ZNF462: variants seen among roughly 807,000 people sequenced by gnomAD.
ZNF462 encodes zinc finger PBX1-interacting protein.
In ZNF462, 10 loss-of-function variants were observed where a neutral mutation model predicts 201.9. The ratio of observed to expected loss-of-function variants is 0.05; its 90% CI spans 0.03 to 0.08. ZNF462 has a LOEUF of 0.08. ZNF462 is among the 10% of genes least tolerant of loss of function. ZNF462 has a pLI of 1.00. For synonymous variants in ZNF462, 1,227 were observed against 1,193.3 expected (o/e 1.03, Z -0.58); for missense variants, 2,523 against 3,168.3 (o/e 0.80, Z 4.89).
Position 106,932,567 on chromosome 9 carries a change from G to C in ZNF462, c.6116+18G>C. 6.2e-7 allele frequency: 1 copy of C among 1,614,172 alleles called. No individual in the cohort carries two copies. Among genetic ancestry groups the C allele is most frequent in the Non-Finnish European group, 8.5e-7 (1 of 1,180,028 alleles). On this transcript the variant is annotated intron_variant, in intron 5 of 12. Coordinates refer to ENST00000277225, the MANE Select transcript of ZNF462 (RefSeq NM_021224.6). This position sits in a 1 kb window ranked among gnomAD's most constrained non-coding sequence, Gnocchi z 6.8. The stretch of plus-strand genomic sequence containing the variant: ...AGGCACAAGTAAGTGCTATTGGGGG[G>C]TCACTAGTGGTTACTGGGAGATGAT...
intron 10 of ZNF462, among the ~76,000 whole-genome samples, chr9:106,987,030 TAG>T (rs1564154252): frequency 6.7e-6 from 1 of 149,692 alleles, no homozygotes; most frequent in African/African-American, 2.4e-5. Context: ...GATAGATAGA[TAG>T]ATAGATATCA....
chr9:107,009,511 G>T lies in ZNF462; in HGVS notation c.7190-34G>T. On this transcript the variant is annotated intron_variant, in intron 11 of 12. Coordinates refer to ENST00000277225, the MANE Select transcript of ZNF462 (RefSeq NM_021224.6). The surrounding 1 kb of genome is among the most constrained non-coding windows in gnomAD (Gnocchi z 6.1). ...CTTACCTATTCTGCTGATTCCCACA[G>T]CACACAGGTAACACTTCTGCTTTCT... The T allele has an allele frequency of 1.2e-6, 2 of 1,613,006 alleles. No homozygotes were observed. The highest frequency in any genetic ancestry group is 1.7e-6 in the Non-Finnish European group (2 of 1,179,334).
chr9:106,866,692 A>G (rs1467322262), intron 1 of ZNF462, among the ~76,000 whole-genome samples: 3 of 152,204 alleles, frequency 2.0e-5, no homozygotes, highest in Non-Finnish European at 4.4e-5. Flanking sequence ...TGATACCATT[A>G]CTTTTGCTCT....
chr9:106,932,120 G>T lies in ZNF462; in HGVS notation c.6013-326G>T. The T allele has an allele frequency of 1.6e-6, 2 of 1,289,900 alleles. No homozygotes were observed. Among genetic ancestry groups the T allele is most frequent in the African/African-American group, 3.0e-5 (2 of 67,284 alleles). The allele number at this position is 1,289,900 out of a possible 1,614,324, so 79.9% of individuals were successfully genotyped here. ...AGTTGGGCTTGCTCTCCCTCTAGGGGTAGCTGGAGAGGCAGGGGAGGAAGC... is the reference window on the plus strand; with the variant it reads ...AGTTGGGCTTGCTCTCCCTCTAGGGTTAGCTGGAGAGGCAGGGGAGGAAGC... On this transcript the variant is annotated intron_variant, in intron 4 of 12. Coordinates refer to ENST00000277225, the MANE Select transcript of ZNF462 (RefSeq NM_021224.6). This position sits in a 1 kb window ranked among gnomAD's most constrained non-coding sequence, Gnocchi z 6.8.
At position 107,011,085 on chromosome 9, in the gene ZNF462, AG is replaced by A. The variant is rs1829905419; in HGVS notation, c.*58del. The A allele has an allele frequency of 5.1e-6, 8 of 1,581,066 alleles. No individual in the cohort carries two copies. The South Asian group carries it at 5.6e-5, about 11-fold the overall frequency. On this transcript the variant is annotated 3_prime_UTR_variant, in exon 13 of 13. Coordinates refer to ENST00000277225, the MANE Select transcript of ZNF462 (RefSeq NM_021224.6). The surrounding 1 kb of genome is among the most constrained non-coding windows in gnomAD (Gnocchi z 5.6). ...ACTTGAACAGTGATGAAAAAGTGGG[AG>A]GGCTGGCTTGGGCTGAGAAGGGAGG...
Position 106,923,296 on chromosome 9 carries a change from G to A in ZNF462, c.-30-58G>A. 9 of 1,309,930 alleles carry A rather than the reference G, an allele frequency of 6.9e-6. No individual in the cohort carries two copies. The highest frequency in any genetic ancestry group is 8.8e-6 in the Non-Finnish European group (8 of 910,160). The allele number at this position is 1,309,930 out of a possible 1,614,324, so 81.1% of individuals were successfully genotyped here. On this transcript the variant is annotated intron_variant, in intron 1 of 12. Transcript: ENST00000277225. The surrounding 1 kb of genome is among the most constrained non-coding windows in gnomAD (Gnocchi z 5.6). ...CATTAATGGATATATAGCCCCATCA[G>A]CTCGAGGTATGTGATTAGTGCATTC...
chr9:106,878,891 A>AT lies in ZNF462; in HGVS notation c.-31+15541dup, dbSNP rs71491262. ...TTGGTGTGAAGTAGAGTTTCCAGTTATTTTTAGGTCATTTTCATCTTAGCA... is the reference window on the plus strand; with the variant it reads ...TTGGTGTGAAGTAGAGTTTCCAGTTATTTTTTAGGTCATTTTCATCTTAGCA... On this transcript the variant is annotated intron_variant, in intron 1 of 12. Transcript: ENST00000277225. Among the ~76,000 whole-genome samples the AT allele has an allele frequency of 4.8e-3, 725 of 152,300 alleles. 4 individuals carry two copies. The highest frequency in any genetic ancestry group is 7.7e-3 in the Non-Finnish European group (526 of 68,006).
At chr9:106,906,542 C>G (rs190000282) in intron 1 of ZNF462, among the ~76,000 whole-genome samples, 56 of 152,238 alleles carry the variant, frequency 3.7e-4, no homozygotes, top group Admixed American at 2.4e-3. Flanking sequence ...TCTAAAATCA[C>G]TGAATATGGA....
chr9:106,913,226 C>T lies in ZNF462; in HGVS notation c.-30-10128C>T, dbSNP rs1829625549. On this transcript the variant is annotated intron_variant, in intron 1 of 12. Coordinates refer to ENST00000277225, the MANE Select transcript of ZNF462 (RefSeq NM_021224.6). The surrounding 1 kb of genome is among the most constrained non-coding windows in gnomAD (Gnocchi z 4.1). ...TTAGAATTACTAGTGTCTCAGTAGT[C>T]AGCTAACCACTGTGATGTGGCTTCA... 6.6e-6 allele frequency among the ~76,000 whole-genome samples: 1 copy of T among 152,216 alleles called. No homozygotes were observed. Among genetic ancestry groups the T allele is most frequent in the South Asian group, 2.1e-4 (1 of 4,828 alleles).
chr9:106,866,919 T>C (rs1192725687), intron 1 of ZNF462, among the ~76,000 whole-genome samples: 2 of 152,232 alleles, frequency 1.3e-5, no homozygotes, highest in Non-Finnish European at 2.9e-5. Flanking sequence ...ATATCTTTTT[T>C]TATTGTTATT....
chr9:106,984,168 T>C lies in ZNF462; in HGVS notation c.6833-18T>C, dbSNP rs530309952. The C allele has an allele frequency of 2.6e-5, 42 of 1,599,538 alleles. No homozygotes were observed. The highest frequency in any genetic ancestry group is 3.3e-5 in the Non-Finnish European group (39 of 1,172,886). On this transcript the variant is annotated intron_variant, in intron 9 of 12. Coordinates refer to ENST00000277225, the MANE Select transcript of ZNF462 (RefSeq NM_021224.6). This position sits in a 1 kb window ranked among gnomAD's most constrained non-coding sequence, Gnocchi z 6.4. ...ATCAGTAAAAATTCCCATCTTTCCA[T>C]TCAATTTGTTTCCACAGAAGAGCGT...
In ZNF462 at chr9:106,938,014, C is replaced by A. The variant is rs1830702933; in HGVS notation, c.6236-902C>A. Among the ~76,000 whole-genome samples the A allele has an allele frequency of 6.6e-6, 1 of 152,068 alleles. No homozygotes were observed. The highest frequency in any genetic ancestry group is 1.5e-5 in the Non-Finnish European group (1 of 67,978). On this transcript the variant is annotated intron_variant, in intron 6 of 12. Coordinates refer to ENST00000277225, the MANE Select transcript of ZNF462 (RefSeq NM_021224.6). This position sits in a 1 kb window ranked among gnomAD's most constrained non-coding sequence, Gnocchi z 4.4. ...AAAATGGCTTTCTGAATTGATCTTA[C>A]CAGTGTATATATGTCCAACAATTTA...
At chr9:106,922,977 A>T (rs1002057497) in intron 1 of ZNF462, among the ~76,000 whole-genome samples, 1 of 152,204 alleles carries the variant, frequency 6.6e-6, no homozygotes, top group East Asian at 1.9e-4. Context: ...GATGGTTCCA[A>T]TTTAAAAAGA....
At chr9:106,916,874 G>A (rs1829795206) in intron 1 of ZNF462, among the ~76,000 whole-genome samples, 1 of 152,152 alleles carries the variant, frequency 6.6e-6, no homozygotes, top group South Asian at 2.1e-4. Context: ...CTCAGAATTA[G>A]AATTATCCAG....
At position 106,920,379 on chromosome 9, in the gene ZNF462, G is replaced by A. The variant is rs1027583503; in HGVS notation, c.-30-2975G>A. ...ACTTCTATTTTCTTCTTCTGTCAGC[G>A]TCTTCAGGAGAAATGTGTACACAAA... On this transcript the variant is annotated intron_variant, in intron 1 of 12. Transcript: ENST00000277225. The surrounding 1 kb of genome is among the most constrained non-coding windows in gnomAD (Gnocchi z 4.3). Among the ~76,000 whole-genome samples, 3 of 152,046 alleles carry A rather than the reference G, an allele frequency of 2.0e-5. No homozygotes were observed. The highest frequency in any genetic ancestry group is 4.8e-5 in the African/African-American group (2 of 41,386).
intron 7 of ZNF462, among the ~76,000 whole-genome samples, chr9:106,939,593 G>T (rs1830780304): frequency 6.6e-6 from 1 of 152,180 alleles, no homozygotes; most frequent in Admixed American, 6.5e-5. Flanking sequence ...TGATACCTTA[G>T]GGGTGACATA....
chr9:106,926,991 G>A lies in ZNF462; in HGVS notation c.3079G>A (p.Val1027Ile). The change falls in exon 3 of 13, where the codon GTT (valine) becomes ATT (isoleucine). Residue 1027 changes from valine (V) to isoleucine (I), a missense_variant. This residue lies in a region of ZNF462 where 280 missense variants were observed against 321.3 expected (regional missense o/e 0.87). Transcript: ENST00000277225. This position sits in a 1 kb window ranked among gnomAD's most constrained non-coding sequence, Gnocchi z 7.9. ...ENQKDPLVNT[V>I]VVYDCDVCSF... ...TCAGAAGGACCCTTTGGTCAACACTGTTGTTGTTTATGATTGTGATGTTTG... is the reference window on the plus strand; with the variant it reads ...TCAGAAGGACCCTTTGGTCAACACTATTGTTGTTTATGATTGTGATGTTTG... The A allele has an allele frequency of 1.2e-6, 2 of 1,614,166 alleles. No individual in the cohort carries two copies. The highest frequency in any genetic ancestry group is 1.7e-6 in the Non-Finnish European group (2 of 1,180,028).
intron 1 of ZNF462, among the ~76,000 whole-genome samples, chr9:106,879,329 T>TCCCCCCCCCCCCC (rs1321110689): frequency 1.3e-5 from 1 of 74,514 alleles, no homozygotes; most frequent in African/African-American, 6.9e-5. Flanking sequence ...AGAGATGCTT[T>TCCCCCCCCCCCCC]CCACCCCCCC....
At chr9:107,004,958 A>G (rs1171755286) in intron 11 of ZNF462, among the ~76,000 whole-genome samples, 1 of 152,104 alleles carries the variant, frequency 6.6e-6, no homozygotes, top group Non-Finnish European at 1.5e-5. Flanking sequence ...GAGATCATGC[A>G]GTATTTGTGC....
Sources: gnomAD v4.1 joint callset for allele counts (sites outside exome capture counted in the v4.1 genomes callset) on GRCh38, gnomAD v4.1.1 for gene constraint, gnomAD v4.1.1 regional missense constraint, Gnocchi (gnomAD v3.1) non-coding constraint, MANE v1.5 for transcripts, NCBI Gene and HGNC (gene_info 2026-07-23, HGNC 2026-07-21) for gene names.